Variants in SHC4 observed in about 807,000 individuals in gnomAD.
SHC4 encodes the protein SHC adaptor protein 4.
Under a neutral mutation model 69.4 loss-of-function variants are expected in SHC4, and 41 were observed. That is an observed-to-expected ratio of 0.59 (90% confidence interval 0.46 to 0.77). SHC4 has a LOEUF of 0.77. Ranked by LOEUF, SHC4 falls within the 30% of genes least tolerant of loss-of-function variation. The pLI, the probability that SHC4 is intolerant of heterozygous loss-of-function variation, is 0.00. For synonymous variants in SHC4, 318 were observed against 299.3 expected, an observed-to-expected ratio of 1.06 and a Z score of -0.64; for missense variants, 777 against 783.8, an observed-to-expected ratio of 0.99 and a Z score of 0.10.
At chr15:48,853,619 T>C (rs900695719) in intron 8 of SHC4, among the ~76,000 whole-genome samples, 1 of 152,170 alleles carries the variant, frequency 6.6e-6, no homozygotes, top group African/African-American at 2.4e-5. Context: ...CAAAACAGCA[T>C]GGTACTGGCA....
At chr15:48,851,978 C>T (rs116797643) in intron 8 of SHC4, among the ~76,000 whole-genome samples, 353 of 152,234 alleles carry the variant, frequency 2.3e-3, no homozygotes, top group African/African-American at 8.4e-3. Context: ...GAAGACTGAA[C>T]TGATATGGGG....
At chr15:48,896,649 G>A (rs536901828) in intron 2 of SHC4, among the ~76,000 whole-genome samples, 1 of 152,142 alleles carries the variant, frequency 6.6e-6, no homozygotes, top group African/African-American at 2.4e-5. Context: ...CATTTAAGAA[G>A]GTCCACTCCT....
At chr15:48,835,529 C>T (rs1266403980) in intron 10 of SHC4, among the ~76,000 whole-genome samples, 1 of 152,136 alleles carries the variant, frequency 6.6e-6, no homozygotes, top group Non-Finnish European at 1.5e-5. Flanking sequence ...TCTTCTGACC[C>T]AAAACTTCAA....
chr15:48,892,107 G>A (rs1490264340), intron 2 of SHC4, among the ~76,000 whole-genome samples: 1 of 151,862 alleles, frequency 6.6e-6, no homozygotes, highest in African/African-American at 2.4e-5. Context: ...CGCCCGCCTC[G>A]GCCTCCTAAA....
intron 9 of SHC4, among the ~76,000 whole-genome samples, chr15:48,844,228 C>A (rs1182372670): frequency 6.6e-6 from 1 of 152,164 alleles, no homozygotes; most frequent in Non-Finnish European, 1.5e-5. Flanking sequence ...TCTCCTCCTC[C>A]TCTATTAATC....
intron 1 of SHC4, among the ~76,000 whole-genome samples, chr15:48,943,936 T>C (rs1187078801): frequency 6.6e-6 from 1 of 151,830 alleles, no homozygotes; most frequent in African/African-American, 2.4e-5. Flanking sequence ...TGGCAGTTTT[T>C]AAGCTGCGTA....
intron 4 of SHC4, among the ~76,000 whole-genome samples, chr15:48,881,020 GTGTCTT>G (rs1198534644): frequency 7.0e-6 from 1 of 142,388 alleles, no homozygotes; most frequent in Non-Finnish European, 1.5e-5. Context: ...GTGTGTGTGT[GTGTCTT>G]CATTTAAGGA....
At chr15:48,913,568 T>G (rs545946604) in intron 2 of SHC4, among the ~76,000 whole-genome samples, 21 of 152,290 alleles carry the variant, frequency 1.4e-4, no homozygotes, top group African/African-American at 4.8e-4. Flanking sequence ...TTTCCCTACA[T>G]GTGGAGTCTG....
intron 2 of SHC4, among the ~76,000 whole-genome samples, chr15:48,894,968 T>C (rs913184495): frequency 1.3e-5 from 2 of 151,914 alleles, no homozygotes; most frequent in African/African-American, 4.8e-5. Flanking sequence ...AATTTTTTCT[T>C]TTCCTTTTTT....
At chr15:48,836,023 C>CAAAAAAAAAAAAAAAAAA (rs57343981) in intron 10 of SHC4, among the ~76,000 whole-genome samples, 1 of 60,140 alleles carries the variant, frequency 1.7e-5, no homozygotes, top group Non-Finnish European at 2.9e-5. Flanking sequence ...ACAAAAAATC[C>CAAAAAAAAAAAAAAAAAA]AAAAAAAAAA....
intron 5 of SHC4, among the ~76,000 whole-genome samples, chr15:48,868,785 C>T (rs928728252): frequency 1.3e-5 from 2 of 152,160 alleles, no homozygotes; most frequent in Admixed American, 1.3e-4. Context: ...CAGCATAACT[C>T]GTCTTGGGCA....
chr15:48,879,434 CAAAA>C (rs2140999749), intron 4 of SHC4: 1 of 167,132 alleles, frequency 6.0e-6, no homozygotes, highest in South Asian at 2.1e-4. Flanking sequence ...TTTTAAAAGT[CAAAA>C]ATTAAGACAT....
At chr15:48,878,168 GT>G (rs1567059480) in intron 4 of SHC4, 1 of 1,544,208 alleles carries the variant, frequency 6.5e-7, no homozygotes, top group South Asian at 1.2e-5. Context: ...AGGTTGAGCG[GT>G]TTGCACAATG....
At chr15:48,833,285 G>T (rs1297858467) in intron 11 of SHC4, among the ~76,000 whole-genome samples, 2 of 152,158 alleles carry the variant, frequency 1.3e-5, no homozygotes, top group East Asian at 1.9e-4. Flanking sequence ...AATTACAGAG[G>T]TTTGCCAGTT....
intron 6 of SHC4, among the ~76,000 whole-genome samples, chr15:48,864,087 TTTA>T (rs1245526248): frequency 6.6e-6 from 1 of 152,224 alleles, no homozygotes; most frequent in Non-Finnish European, 1.5e-5. Context: ...GTTTATTCTA[TTTA>T]TGAGAATTTC....
chr15:48,941,650 A>G (rs779464115), intron 1 of SHC4, among the ~76,000 whole-genome samples: 48 of 152,172 alleles, frequency 3.2e-4, no homozygotes, highest in Admixed American at 2.8e-3. Context: ...AAATTATTTT[A>G]ATTATGAATC....
intron 4 of SHC4, chr15:48,877,668 G>T (rs1050918029): frequency 1.5e-6 from 1 of 669,644 alleles, no homozygotes; most frequent in Non-Finnish European, 1.8e-6. Context: ...TATATCTGTT[G>T]TTTGTGAATT....
intron 11 of SHC4, among the ~76,000 whole-genome samples, chr15:48,828,476 C>T (rs1898733229): frequency 6.6e-6 from 1 of 152,128 alleles, no homozygotes. Context: ...GTGCAAACAT[C>T]TTTTCAAGAT....
At chr15:48,843,756 G>A (rs1465342487) in intron 9 of SHC4, among the ~76,000 whole-genome samples, 168 bp from the exon 10 acceptor site, 1 of 152,156 alleles carries the variant, frequency 6.6e-6, no homozygotes, top group East Asian at 1.9e-4. Context: ...ATAAGCACCA[G>A]TCTCTGAGGG....
Sources: gnomAD v4.1 joint callset for allele counts (sites outside exome capture counted in the v4.1 genomes callset) on GRCh38, gnomAD v4.1.1 for gene constraint, MANE v1.5 for transcripts, NCBI Gene and HGNC (gene_info 2026-07-23, HGNC 2026-07-21) for gene names.